Variants in EIF2AK1 observed in about 807,000 individuals in gnomAD.
The protein encoded by EIF2AK1 is eukaryotic translation initiation factor 2 alpha kinase 1.
Under a neutral mutation model 77.9 loss-of-function variants are expected in EIF2AK1, and 54 were observed. That is an observed-to-expected ratio of 0.69 (90% CI 0.56 to 0.87). EIF2AK1 has a LOEUF of 0.87. Among genes scored for constraint, EIF2AK1 ranks in the 40% least tolerant of loss-of-function variants. EIF2AK1 has a pLI of 0.00. For synonymous variants in EIF2AK1, 314 were observed against 290.5 expected, an observed-to-expected ratio of 1.08 and a Z score of -0.82; for missense variants, 810 against 768.6, an observed-to-expected ratio of 1.05 and a Z score of -0.64.
intron 14 of EIF2AK1, among the ~76,000 whole-genome samples, chr7:6,025,165 T>C (rs890558371): frequency 1.3e-5 from 2 of 151,874 alleles, no homozygotes; most frequent in Admixed American, 6.6e-5. Context: ...CAAAAAACTT[T>C]TGCAAGATAG....
intron 2 of EIF2AK1, among the ~76,000 whole-genome samples, chr7:6,050,576 T>C (rs1283633035): frequency 6.6e-6 from 1 of 150,958 alleles, no homozygotes; most frequent in Non-Finnish European, 1.5e-5. Context: ...CACTCATTCA[T>C]GAAAAGCACA....
chr7:6,037,873 C>G (rs1788151454), intron 10 of EIF2AK1, among the ~76,000 whole-genome samples: 1 of 151,382 alleles, frequency 6.6e-6, no homozygotes, highest in Non-Finnish European at 1.5e-5. Context: ...CCCTTGAACC[C>G]TTGACATTCT....
chr7:6,058,056 T>C, intron 1 of EIF2AK1: 1 of 438,398 alleles, frequency 2.3e-6, no homozygotes, highest in South Asian at 1.6e-5. Context: ...GTTTTAAGCA[T>C]CTCTTACTCT....
chr7:6,022,967 C>T lies in EIF2AK1; in HGVS notation c.*1706G>A, dbSNP rs963751980. Reference sequence around the variant, plus strand: ...AGAAGGCGATTATGAGGCCAAGAGCCTGGGAGATGCAGCTCCTGGGTTTCC... The same window carrying T: ...AGAAGGCGATTATGAGGCCAAGAGCTTGGGAGATGCAGCTCCTGGGTTTCC... On this transcript the variant is annotated 3_prime_UTR_variant, in exon 15 of 15. Coordinates refer to ENST00000199389, the MANE Select transcript of EIF2AK1 (RefSeq NM_014413.4). The T allele has an allele frequency of 2.3e-5, 6 of 261,830 alleles. No individual in the cohort carries two copies. The highest frequency in any genetic ancestry group is 1.3e-4 in the African/African-American group (6 of 44,736). The allele number at this position is 261,830 out of a possible 1,614,324, so 16.2% of individuals were successfully genotyped here.
At position 6,027,795 on chromosome 7, in the gene EIF2AK1, G is replaced by C. The variant is rs1395974964; in HGVS notation, c.1530+820C>G. On this transcript the variant is annotated intron_variant, in intron 13 of 14. Coordinates refer to ENST00000199389, the MANE Select transcript of EIF2AK1 (RefSeq NM_014413.4). The surrounding 1 kb of genome is among the most constrained non-coding windows in gnomAD (Gnocchi z 4.5). ...TCAAAATCGATTTAGGCCAGGCGCAGAGGTTCATGCCTTAATCCCAGCACT... is the reference window on the plus strand; with the variant it reads ...TCAAAATCGATTTAGGCCAGGCGCACAGGTTCATGCCTTAATCCCAGCACT... 1.1e-5 allele frequency: 3 copies of C among 281,200 alleles called. No homozygotes were observed. The highest frequency in any genetic ancestry group is 2.1e-5 in the Non-Finnish European group (3 of 140,314). 17.4% of individuals were successfully genotyped at this position (281,200 alleles called of 1,614,324 possible). A position where few individuals can be genotyped will look rare whatever the true frequency, so the allele number is the denominator to read the frequency against.
At chr7:6,042,759 G>A (rs747091851) in intron 8 of EIF2AK1, among the ~76,000 whole-genome samples, 174 bp downstream of exon 8, 23 of 152,032 alleles carry the variant, frequency 1.5e-4, no homozygotes, top group Non-Finnish European at 5.9e-5. Flanking sequence ...CCAGCTATTC[G>A]GGAAGCTGAG....
In EIF2AK1 at chr7:6,059,079, T is replaced by G; in HGVS notation, c.5A>C (p.Gln2Pro). The G allele has an allele frequency of 1.4e-6, 2 of 1,401,952 alleles. No homozygotes were observed. Among genetic ancestry groups the G allele is most frequent in the Non-Finnish European group, 9.2e-7 (1 of 1,086,338 alleles). 86.8% of individuals were successfully genotyped at this position (1,401,952 alleles called of 1,614,324 possible). ...CTTGCGGACCCCGGAGTTGCCCCCC[T>G]GCATCGCCGGCCGCGCGCGGGCCGC... is the stretch of plus-strand genomic sequence containing the variant. The part of the protein sequence containing the change: M[Q>P]GGNSGVRKRE... The change falls in exon 1 of 15, where the codon CAG (glutamine) becomes CCG (proline). Residue 2 changes from glutamine (Q) to proline (P), a missense_variant. Around this residue, in one of 3 missense-constraint regions of EIF2AK1, gnomAD observed 246 missense variants for 199.0 expected, o/e 1.24. Transcript: ENST00000199389.
intron 13 of EIF2AK1, 122 bp downstream of exon 13, chr7:6,028,493 C>G (rs1160697294): frequency 4.6e-6 from 4 of 863,332 alleles, no homozygotes; most frequent in East Asian, 2.7e-5. Context: ...CTCCGGTGAT[C>G]CACCCACCTC....
chr7:6,030,569 G>C (rs911172391), intron 11 of EIF2AK1, among the ~76,000 whole-genome samples: 1 of 152,128 alleles, frequency 6.6e-6, no homozygotes, highest in African/African-American at 2.4e-5. Flanking sequence ...TGCCATCTCG[G>C]CTCACTGTAA....
At chr7:6,040,016 T>C (rs958660739) in intron 9 of EIF2AK1, among the ~76,000 whole-genome samples, 1 of 152,196 alleles carries the variant, frequency 6.6e-6, no homozygotes, top group Admixed American at 6.5e-5. Flanking sequence ...AGATGGTATA[T>C]ACAGTTTTAT....
intron 11 of EIF2AK1, chr7:6,031,472 T>C (rs1220998336): frequency 1.9e-6 from 3 of 1,550,666 alleles, no homozygotes; most frequent in Non-Finnish European, 1.7e-6. Context: ...CTCGAAACTC[T>C]ATGAAGCCAT....
chr7:6,024,119 A>G lies in EIF2AK1; in HGVS notation c.*554T>C, dbSNP rs1380734835. The G allele has an allele frequency of 9.3e-6, 12 of 1,296,068 alleles. No individual in the cohort carries two copies. The highest frequency in any genetic ancestry group is 3.0e-6 in the Non-Finnish European group (3 of 993,764). 80.3% of individuals were successfully genotyped at this position (1,296,068 alleles called of 1,614,324 possible). Reference sequence around the variant, plus strand: ...TGGTTTTGGAATGACGCTAAACTGAAGGTGGAGAGAACAGATAAAAAGGTT... The same window carrying G: ...TGGTTTTGGAATGACGCTAAACTGAGGGTGGAGAGAACAGATAAAAAGGTT... On this transcript the variant is annotated 3_prime_UTR_variant, in exon 15 of 15. Coordinates refer to ENST00000199389, the MANE Select transcript of EIF2AK1 (RefSeq NM_014413.4).
In EIF2AK1 at chr7:6,027,074, C is replaced by T. The variant is rs1351935177; in HGVS notation, c.1531-113G>A. On this transcript the variant is annotated intron_variant, in intron 13 of 14. Coordinates refer to ENST00000199389, the MANE Select transcript of EIF2AK1 (RefSeq NM_014413.4). This position sits in a 1 kb window ranked among gnomAD's most constrained non-coding sequence, Gnocchi z 4.5. ...GAGGGTTTCTAAGAATGAGGATATA[C>T]GGTCACCCACAAGGAAGGGAACAGA... The T allele has an allele frequency of 1.9e-5, 16 of 840,170 alleles. No homozygotes were observed. Among genetic ancestry groups the T allele is most frequent in the South Asian group, 1.1e-4 (7 of 65,392 alleles). The allele number at this position is 840,170 out of a possible 1,614,324, so 52.0% of individuals were successfully genotyped here. A position where few individuals can be genotyped will look rare whatever the true frequency, so the allele number is the denominator to read the frequency against.
chr7:6,037,673 A>C, intron 10 of EIF2AK1, 149 bp from the exon 11 acceptor site: 2 of 636,210 alleles, frequency 3.1e-6, no homozygotes, highest in South Asian at 2.1e-5. Flanking sequence ...GAATGGTCTA[A>C]AACCTAGAAA....
At chr7:6,041,884 C>T (rs892662239) in intron 8 of EIF2AK1, among the ~76,000 whole-genome samples, 29 of 150,780 alleles carry the variant, frequency 1.9e-4, no homozygotes, top group Middle Eastern at 3.5e-3. Context: ...CACAATGGCT[C>T]ATGCCTATAA....
In EIF2AK1 at chr7:6,041,219, T is replaced by C; in HGVS notation, c.792A>G (p.Arg264=). The C allele has an allele frequency of 6.6e-7, 1 of 1,514,250 alleles. No homozygotes were observed. The highest frequency in any genetic ancestry group is 8.8e-7 in the Non-Finnish European group (1 of 1,142,018). The allele number at this position is 1,514,250 out of a possible 1,614,324, so 93.8% of individuals were successfully genotyped here. Residue 264 remains arginine (R), a splice_region_variant and synonymous_variant, in exon 9 of 15, where the codon AGA becomes AGG. Coordinates refer to ENST00000199389, the MANE Select transcript of EIF2AK1 (RefSeq NM_014413.4). ...LEVLSDQEED[R]EQCGVKNDES... ...CATCATTTTTAACACCACATTGCTC[T>C]CTGAAAAAAAAAAAAATAGTAAACA...
chr7:6,035,749 T>A lies in EIF2AK1; in HGVS notation c.1332+1675A>T. 6.4e-7 allele frequency: 1 copy of A among 1,551,078 alleles called. No individual in the cohort carries two copies. ...GAAGCCAGCATGACACCCCTTCACA[T>A]GGCCGCAAACATGCTGAATAAGGAG... On this transcript the variant is annotated intron_variant, in intron 11 of 14. Coordinates refer to ENST00000199389, the MANE Select transcript of EIF2AK1 (RefSeq NM_014413.4). This position sits in a 1 kb window ranked among gnomAD's most constrained non-coding sequence, Gnocchi z 5.5.
At chr7:6,026,650 C>T in intron 14 of EIF2AK1, 78 bp downstream of exon 14, 3 of 1,205,072 alleles carry the variant, frequency 2.5e-6, no homozygotes, top group Non-Finnish European at 3.7e-6. Context: ...CCGGGGGCAC[C>T]ACCCAACCGC....
Position 6,044,546 on chromosome 7 carries a change from A to G in EIF2AK1, c.730+16T>C. ...TTGCCAACGCTTCAACTACCATACC[A>G]TCAAAAACGGCTTACCTCGTGGCTG... On this transcript the variant is annotated intron_variant, in intron 7 of 14. Coordinates refer to ENST00000199389, the MANE Select transcript of EIF2AK1 (RefSeq NM_014413.4). The G allele has an allele frequency of 6.2e-7, 1 of 1,609,042 alleles. No individual in the cohort carries two copies. Among genetic ancestry groups the G allele is most frequent in the Non-Finnish European group, 8.5e-7 (1 of 1,176,928 alleles).
Sources: allele counts gnomAD v4.1 joint callset (sites outside exome capture counted in the v4.1 genomes callset), GRCh38; gene constraint gnomAD v4.1.1; regional missense constraint gnomAD v4.1.1; non-coding constraint Gnocchi (gnomAD v3.1); transcripts MANE v1.5; gene names NCBI Gene and HGNC (gene_info 2026-07-23, HGNC 2026-07-21).